Variants in IFT80 observed in about 807,000 individuals in gnomAD.
IFT80 encodes intraflagellar transport protein 80 homolog.
In IFT80, 79 loss-of-function variants were observed where a neutral mutation model predicts 107.9. The ratio of observed to expected loss-of-function variants is 0.73; its 90% confidence interval spans 0.61 to 0.88. The LOEUF (loss-of-function observed/expected upper bound fraction) is 0.88, where lower values mean the gene tolerates loss of function less well. IFT80 is among the 40% of genes least tolerant of loss of function. IFT80 has a pLI of 0.00. For missense variants in IFT80, 797 were observed against 914.2 expected (o/e 0.87, Z 1.65); for synonymous variants, 299 against 300.9 (o/e 0.99, Z 0.07).
chr3:160,306,708 G>A (rs1166777825), intron 10 of IFT80, among the ~76,000 whole-genome samples: 1 of 152,104 alleles, frequency 6.6e-6, no homozygotes, highest in African/African-American at 2.4e-5. Context: ...TTAGTAGCAG[G>A]TTTACACATA....
At chr3:160,293,879 C>T (rs1470293754) in intron 12 of IFT80, among the ~76,000 whole-genome samples, 3 of 152,096 alleles carry the variant, frequency 2.0e-5, no homozygotes, top group Admixed American at 6.5e-5. Context: ...GTAATCAAAC[C>T]CCAAAAGTAT....
At chr3:160,328,099 A>G (rs1718806702) in intron 8 of IFT80, among the ~76,000 whole-genome samples, 1 of 152,110 alleles carries the variant, frequency 6.6e-6, no homozygotes. Context: ...CAACATCACT[A>G]ATCATTGGAG....
intron 8 of IFT80, among the ~76,000 whole-genome samples, chr3:160,354,341 C>T (rs957977377): frequency 6.6e-6 from 1 of 152,084 alleles, no homozygotes; most frequent in Non-Finnish European, 1.5e-5. Context: ...AAACTTGAGA[C>T]AGGCCTTTAA....
intron 8 of IFT80, among the ~76,000 whole-genome samples, chr3:160,339,648 G>A (rs886913914): frequency 2.0e-4 from 30 of 152,026 alleles, no homozygotes; most frequent in African/African-American, 6.8e-4. Context: ...TTTTGGCTTC[G>A]TTTGATACAA....
chr3:160,348,552 G>A (rs1164797356), intron 8 of IFT80, among the ~76,000 whole-genome samples: 2 of 152,122 alleles, frequency 1.3e-5, no homozygotes, highest in Admixed American at 1.3e-4. Flanking sequence ...GTTAAACATA[G>A]GGTTACACTT....
chr3:160,334,647 C>T (rs548214759), intron 8 of IFT80, among the ~76,000 whole-genome samples: 77 of 152,214 alleles, frequency 5.1e-4, no homozygotes, highest in Non-Finnish European at 9.6e-4. Flanking sequence ...GAACTCCTGA[C>T]CTTGTGATCC....
intron 1 of IFT80, among the ~76,000 whole-genome samples, chr3:160,392,727 G>A (rs974396238): frequency 1.3e-5 from 2 of 152,156 alleles, no homozygotes. Context: ...ATTAGCCTCT[G>A]AGCCACTCTA....
rs956777808 is a variant in IFT80, at chr3:160,343,606, T to C, written c.777+12407A>G. 5 of 156,502 alleles carry C rather than the reference T, an allele frequency of 3.2e-5. 1 individual carries two copies. The highest frequency in any genetic ancestry group is 1.2e-4 in the African/African-American group (5 of 41,490). The allele number at this position is 156,502 out of a possible 1,614,324, so 9.7% of individuals were successfully genotyped here. A position where few individuals can be genotyped will look rare whatever the true frequency, so the allele number is the denominator to read the frequency against. On this transcript the variant is annotated intron_variant, in intron 8 of 19. Coordinates refer to ENST00000326448, the MANE Select transcript of IFT80 (RefSeq NM_020800.3). Reference sequence around the variant, plus strand: ...CATTATAGTACTATGACTTTTAATTTTTATCCCAAAGGTAATTCATTTGTA... The same window carrying C: ...CATTATAGTACTATGACTTTTAATTCTTATCCCAAAGGTAATTCATTTGTA...
chr3:160,294,613 G>A (rs1482904400), intron 12 of IFT80, among the ~76,000 whole-genome samples: 1 of 152,234 alleles, frequency 6.6e-6, no homozygotes, highest in Non-Finnish European at 1.5e-5. Flanking sequence ...TTACTAACAA[G>A]TGAGATTCTC....
In IFT80 at chr3:160,312,828, T is replaced by TATATAAATATATA. The variant is rs1717441047; in HGVS notation, c.958-5048_958-5047insTATATATTTATAT. Among the ~76,000 whole-genome samples the TATATAAATATATA allele has an allele frequency of 3.0e-4, 10 of 33,348 alleles. 1 individual carries two copies. Among genetic ancestry groups the TATATAAATATATA allele is most frequent in the African/African-American group, 1.2e-3 (10 of 8,642 alleles). The allele number at this position is 33,348 out of a possible 152,430, so 21.9% of individuals were successfully genotyped here. On this transcript the variant is annotated intron_variant, in intron 9 of 19. Transcript: ENST00000326448. ...GTATATTATATATAAATATATAATA[T>TATATAAATATATA]ATATATAATAAATGTATATTATATA...
intron 8 of IFT80, among the ~76,000 whole-genome samples, chr3:160,343,257 G>A (rs1457191774): frequency 6.6e-6 from 1 of 152,106 alleles, no homozygotes; most frequent in East Asian, 1.9e-4. Context: ...ACAGGGAGAT[G>A]CCTTTTTATT....
Position 160,384,611 on chromosome 3 carries a change from C to T in IFT80, c.-11G>A. ...TATCTTTAGTCTCATGACTCCACTT[C>T]CAGCAAAAATTTAAGATGCCACTTG... is the stretch of plus-strand genomic sequence containing the variant. On this transcript the variant is annotated 5_prime_UTR_variant, in exon 2 of 20. Coordinates refer to ENST00000326448, the MANE Select transcript of IFT80 (RefSeq NM_020800.3). 5.7e-6 allele frequency: 9 copies of T among 1,580,558 alleles called. No individual in the cohort carries two copies. The highest frequency in any genetic ancestry group is 7.8e-6 in the Non-Finnish European group (9 of 1,150,164).
At chr3:160,311,334 T>C (rs1293279972) in intron 9 of IFT80, among the ~76,000 whole-genome samples, 1 of 152,184 alleles carries the variant, frequency 6.6e-6, no homozygotes, top group Admixed American at 6.5e-5. Flanking sequence ...CTTTATTTCC[T>C]GATAAAAACA....
In IFT80 at chr3:160,319,807, C is replaced by T; in HGVS notation, c.910G>A (p.Glu304Lys). 1 of 1,613,040 alleles carries T rather than the reference C, an allele frequency of 6.2e-7. No homozygotes were observed. Residue 304 changes from glutamate to lysine, a missense_variant, in exon 9 of 20, where the codon GAG (glutamate) becomes AAG (lysine). Physicochemically the swap from Glu to Lys is moderately conservative, Grantham distance 56. Coordinates refer to ENST00000326448, the MANE Select transcript of IFT80 (RefSeq NM_020800.3). ...VFAHVVEQHW[E>K]WKNFQVTLTK... ...AATGTTACTTGAAAATTTTTCCACTCCCAATGTTGTTCCACCACATGTGCA... is the reference window on the plus strand; with the variant it reads ...AATGTTACTTGAAAATTTTTCCACTTCCAATGTTGTTCCACCACATGTGCA...
chr3:160,332,583 A>G (rs139056013), intron 8 of IFT80, among the ~76,000 whole-genome samples: 20 of 152,342 alleles, frequency 1.3e-4, no homozygotes, highest in African/African-American at 4.8e-4. Flanking sequence ...GATGGAGACT[A>G]TCTCAAAATA....
intron 8 of IFT80, among the ~76,000 whole-genome samples, chr3:160,353,066 C>T (rs1296841903): frequency 2.0e-5 from 3 of 152,166 alleles, no homozygotes; most frequent in Admixed American, 1.3e-4. Context: ...ATAAGATAAA[C>T]TCCAAACTAT....
chr3:160,377,556 T>C lies in IFT80; in HGVS notation c.260-16A>G. The stretch of plus-strand genomic sequence containing the variant: ...TGAAATTTACCTGAAAGAAATTACA[T>C]TTGAAAAATCTATTTTATTTATTCA... On this transcript the variant is annotated splice_polypyrimidine_tract_variant and intron_variant, in intron 3 of 19. Transcript: ENST00000326448. 1.4e-6 allele frequency: 2 copies of C among 1,439,522 alleles called. No individual in the cohort carries two copies. Among genetic ancestry groups the C allele is most frequent in the Non-Finnish European group, 2.0e-6 (2 of 1,022,216 alleles). 89.2% of individuals were successfully genotyped at this position (1,439,522 alleles called of 1,614,324 possible). A position where few individuals can be genotyped will look rare whatever the true frequency, so the allele number is the denominator to read the frequency against.
At chr3:160,303,783 A>G in intron 11 of IFT80, 132 bp downstream of exon 11, 1 of 632,222 alleles carries the variant, frequency 1.6e-6, no homozygotes, top group South Asian at 2.0e-5. Context: ...TTTTTCTTCT[A>G]AAATGTAAAA....
At chr3:160,307,174 G>A (rs1716887674) in intron 10 of IFT80, among the ~76,000 whole-genome samples, 1 of 152,112 alleles carries the variant, frequency 6.6e-6, no homozygotes, top group Non-Finnish European at 1.5e-5. Flanking sequence ...TTGAGACAGG[G>A]TCTCACTCTG....
Sources: gnomAD v4.1 joint callset for allele counts (sites outside exome capture counted in the v4.1 genomes callset) on GRCh38, gnomAD v4.1.1 for gene constraint, MANE v1.5 for transcripts, NCBI Gene and HGNC (gene_info 2026-07-23, HGNC 2026-07-21) for gene names.